Variants in ESF1 observed in about 807,000 individuals in gnomAD.
ESF1 encodes ESF1 homolog.
In ESF1, 58 loss-of-function variants were observed where a neutral mutation model predicts 92.0. The observed-to-expected ratio is 0.63, with a 90% CI of 0.51 to 0.78. The LOEUF (loss-of-function observed/expected upper bound fraction) is 0.78. Ranked by LOEUF, ESF1 falls within the 30% of genes least tolerant of loss-of-function variation. The probability of loss-of-function intolerance (pLI) is 0.00; values close to 1 mark genes in which losing one functional copy is unlikely to be tolerated. For synonymous variants in ESF1, 321 were observed against 313.7 expected (o/e 1.02, Z -0.24); for missense variants, 922 against 989.1 (o/e 0.93, Z 0.91).
chr20:13,745,614 G>A (rs547146851), intron 9 of ESF1, among the ~76,000 whole-genome samples: 34 of 152,184 alleles, frequency 2.2e-4, no homozygotes, highest in African/African-American at 7.7e-4. Context: ...ACCACACCCA[G>A]CTAACTTGTA....
At chr20:13,721,522 T>C (rs1310992932) in intron 11 of ESF1, among the ~76,000 whole-genome samples, 1 of 151,642 alleles carries the variant, frequency 6.6e-6, no homozygotes, top group Non-Finnish European at 1.5e-5. Context: ...GCGAGGGAGG[T>C]GATATGTGAG....
At chr20:13,784,758 C>A in intron 1 of ESF1, 122 bp downstream of exon 1, 1 of 407,938 alleles carries the variant, frequency 2.5e-6, no homozygotes, top group Non-Finnish European at 4.6e-6. Flanking sequence ...GAGGAAGGGG[C>A]AAAACCCCTC....
chr20:13,770,086 C>A, intron 6 of ESF1, 65 bp from the exon 7 acceptor site: 7 of 913,626 alleles, frequency 7.7e-6, no homozygotes, highest in South Asian at 3.0e-5. Context: ...TTTAGATTCT[C>A]ATCTAATTAG....
chr20:13,716,197 T>C (rs529650854), intron 13 of ESF1, among the ~76,000 whole-genome samples: 3 of 152,292 alleles, frequency 2.0e-5, no homozygotes, highest in Non-Finnish European at 2.9e-5. Context: ...ACATTAATGG[T>C]TGGAAGTCAT....
chr20:13,756,740 C>T (rs912678935), intron 9 of ESF1, among the ~76,000 whole-genome samples: 1 of 150,878 alleles, frequency 6.6e-6, no homozygotes. Flanking sequence ...AAGGAAGTCA[C>T]GTAACTAACT....
At chr20:13,748,592 A>ATATTTTTTTTTT (rs1331098586) in intron 9 of ESF1, among the ~76,000 whole-genome samples, 35 of 95,710 alleles carry the variant, frequency 3.7e-4, no homozygotes, top group African/African-American at 2.1e-3. Flanking sequence ...ATATATATAT[A>ATATTTTTTTTTT]TTTTTTTTTT....
chr20:13,784,435 C>T (rs140029178), intron 1 of ESF1, among the ~76,000 whole-genome samples: 1 of 152,174 alleles, frequency 6.6e-6, no homozygotes, highest in Non-Finnish European at 1.5e-5. Context: ...AGCAATCTTA[C>T]GAGGTAGGTA....
At chr20:13,778,303 T>C (rs902401454) in intron 2 of ESF1, among the ~76,000 whole-genome samples, 2 of 151,980 alleles carry the variant, frequency 1.3e-5, no homozygotes, top group Non-Finnish European at 2.9e-5. Context: ...GTTCTATATA[T>C]GAGATCTGAA....
intron 9 of ESF1, among the ~76,000 whole-genome samples, chr20:13,751,274 T>C (rs1004378832): frequency 1.3e-5 from 2 of 152,156 alleles, no homozygotes; most frequent in African/African-American, 2.4e-5. Context: ...ACAAATAGAA[T>C]AGCGAAAGTT....
chr20:13,762,577 G>C (rs1455697416), intron 8 of ESF1, among the ~76,000 whole-genome samples: 1 of 151,112 alleles, frequency 6.6e-6, no homozygotes, highest in Non-Finnish European at 1.5e-5. Flanking sequence ...ATGTAGCTCT[G>C]TTTTTTCCCA....
intron 7 of ESF1, among the ~76,000 whole-genome samples, chr20:13,768,532 G>C (rs1979530873): frequency 6.6e-6 from 1 of 150,846 alleles, no homozygotes; most frequent in Non-Finnish European, 1.5e-5. Context: ...CAGTGAGCCA[G>C]GATTGCACCA....
intron 9 of ESF1, among the ~76,000 whole-genome samples, chr20:13,747,261 TAAA>T (rs34422643): frequency 1.4e-5 from 2 of 145,356 alleles, no homozygotes; most frequent in Non-Finnish European, 1.5e-5. Context: ...AGTTGTATAT[TAAA>T]AAAAAAAAAA....
chr20:13,750,703 G>C (rs1978593293), intron 9 of ESF1, among the ~76,000 whole-genome samples: 1 of 152,218 alleles, frequency 6.6e-6, no homozygotes, highest in East Asian at 1.9e-4. Context: ...AAAAAGCAGG[G>C]CATGGTGGCT....
At chr20:13,760,940 G>T (rs6033816) in intron 8 of ESF1, among the ~76,000 whole-genome samples, 101,423 of 150,962 alleles carry the variant, frequency 0.67, 34,202 homozygotes, top group East Asian at 0.89. Flanking sequence ...GAATAGAAAA[G>T]GGGGAAAGGT....
intron 9 of ESF1, among the ~76,000 whole-genome samples, chr20:13,754,629 T>C (rs1978799743): frequency 6.6e-6 from 1 of 152,144 alleles, no homozygotes; most frequent in Non-Finnish European, 1.5e-5. Context: ...ACAAGCTTCA[T>C]TATCTGAAAA....
chr20:13,768,980 T>C (rs1027611109), intron 7 of ESF1, among the ~76,000 whole-genome samples: 1 of 152,176 alleles, frequency 6.6e-6, no homozygotes, highest in South Asian at 2.1e-4. Flanking sequence ...AAAAACCTTT[T>C]GGCTATTTGT....
intron 9 of ESF1, among the ~76,000 whole-genome samples, chr20:13,758,897 A>C (rs1416789177): frequency 6.6e-6 from 1 of 152,322 alleles, no homozygotes; most frequent in African/African-American, 2.4e-5. Context: ...TGAATGTCTG[A>C]AATCATGGAT....
At chr20:13,728,645 T>C (rs776697652) in intron 10 of ESF1, among the ~76,000 whole-genome samples, 180 bp from the exon 11 acceptor site, 10 of 152,132 alleles carry the variant, frequency 6.6e-5, no homozygotes, top group Non-Finnish European at 1.2e-4. Flanking sequence ...GGCGGGTGGA[T>C]CACGAGGTCA....
At chr20:13,748,106 C>T (rs1231383824) in intron 9 of ESF1, among the ~76,000 whole-genome samples, 2 of 152,202 alleles carry the variant, frequency 1.3e-5, no homozygotes, top group Admixed American at 1.3e-4. Flanking sequence ...CCACTGTTGA[C>T]TGAAATGTCG....
Sources: gnomAD v4.1 joint callset for allele counts (sites outside exome capture counted in the v4.1 genomes callset) on GRCh38, gnomAD v4.1.1 for gene constraint, MANE v1.5 for transcripts, NCBI Gene and HGNC (gene_info 2026-07-23, HGNC 2026-07-21) for gene names.